TLE4: variants seen among roughly 807,000 people sequenced by gnomAD.
TLE4 encodes the protein TLE family member 4, transcriptional corepressor, also known as transducin-like enhancer protein 4.
TLE4 carries 8 observed loss-of-function variants against 92.8 expected under a neutral mutation model. The observed-to-expected ratio is 0.09, with a 90% CI of 0.05 to 0.16. TLE4 has a LOEUF of 0.16. Ranked by LOEUF, TLE4 falls within the 10% of genes least tolerant of loss-of-function variation. The pLI, the probability that TLE4 is intolerant of heterozygous loss-of-function variation, is 1.00. For synonymous variants in TLE4, 371 were observed against 374.1 expected, an observed-to-expected ratio of 0.99 and a Z score of 0.10; for missense variants, 675 against 997.6, an observed-to-expected ratio of 0.68 and a Z score of 4.36.
chr9:79,572,687 G>C lies in TLE4; in HGVS notation c.-104G>C. On this transcript the variant is annotated 5_prime_UTR_variant, in exon 1 of 20. Transcript: ENST00000376552. ...CCGGGACCGCCCGAGCCGCCCCTCAGACCGAGCCGGCCGCCTCCGCTGCCG... is the reference window on the plus strand; with the variant it reads ...CCGGGACCGCCCGAGCCGCCCCTCACACCGAGCCGGCCGCCTCCGCTGCCG... 3 of 1,259,678 alleles carry C rather than the reference G, an allele frequency of 2.4e-6. No individual in the cohort carries two copies. The highest frequency in any genetic ancestry group is 3.3e-6 in the Non-Finnish European group (3 of 896,990). The allele number at this position is 1,259,678 out of a possible 1,614,324, so 78.0% of individuals were successfully genotyped here. A position where few individuals can be genotyped will look rare whatever the true frequency, so the allele number is the denominator to read the frequency against.
intron 8 of TLE4, among the ~76,000 whole-genome samples, chr9:79,688,777 C>T (rs1394368700): frequency 1.3e-5 from 2 of 151,946 alleles, no homozygotes; most frequent in African/African-American, 4.8e-5. Context: ...AAATACATTC[C>T]AATTAGCTGA....
intron 8 of TLE4, among the ~76,000 whole-genome samples, chr9:79,700,709 A>C (rs1483112676): frequency 6.6e-6 from 1 of 152,114 alleles, no homozygotes; most frequent in Non-Finnish European, 1.5e-5. Context: ...GTTCTTTTTA[A>C]ATATCCCAGC....
chr9:79,601,180 A>C (rs1424431933), intron 4 of TLE4, among the ~76,000 whole-genome samples: 1 of 152,200 alleles, frequency 6.6e-6, no homozygotes, highest in African/African-American at 2.4e-5. Context: ...ACCCATCAGG[A>C]ATTGTCCAGA....
At chr9:79,590,864 A>T (rs1465479834) in intron 4 of TLE4, among the ~76,000 whole-genome samples, 1 of 152,190 alleles carries the variant, frequency 6.6e-6, no homozygotes, top group Non-Finnish European at 1.5e-5. Context: ...AAATACCTGG[A>T]ACTGGATTTA....
At chr9:79,639,936 A>G (rs2056794473) in intron 6 of TLE4, among the ~76,000 whole-genome samples, 1 of 152,204 alleles carries the variant, frequency 6.6e-6, no homozygotes, top group Non-Finnish European at 1.5e-5. Context: ...GTATATCAAA[A>G]TACTGGGAAC....
In TLE4 at chr9:79,573,837, C is replaced by T. The variant is rs757187283; in HGVS notation, c.143+51C>T. 2 of 1,357,054 alleles carry T rather than the reference C, an allele frequency of 1.5e-6. 1 individual carries two copies. The highest frequency in any genetic ancestry group is 2.9e-5 in the South Asian group (2 of 69,930). The allele number at this position is 1,357,054 out of a possible 1,614,324, so 84.1% of individuals were successfully genotyped here. A position where few individuals can be genotyped will look rare whatever the true frequency, so the allele number is the denominator to read the frequency against. ...CTTCTGTTTGCTTAGCTCTTGTCTC[C>T]CCGACAAATACACACAAACACTTAC... On this transcript the variant is annotated intron_variant, in intron 2 of 19. Transcript: ENST00000376552.
At chr9:79,651,616 C>A (rs1280340845) in intron 6 of TLE4, among the ~76,000 whole-genome samples, 2 of 152,206 alleles carry the variant, frequency 1.3e-5, no homozygotes, top group Non-Finnish European at 2.9e-5. Flanking sequence ...ACTAAACGTG[C>A]ACAGAGTGCC....
At chr9:79,717,724 T>G (rs914894237) in intron 14 of TLE4, among the ~76,000 whole-genome samples, 3 of 152,220 alleles carry the variant, frequency 2.0e-5, no homozygotes, top group Non-Finnish European at 4.4e-5. Flanking sequence ...CACAATGCTT[T>G]CCCTTGGTAT....
chr9:79,671,551 C>T (rs763093050), intron 8 of TLE4: 7 of 258,148 alleles, frequency 2.7e-5, no homozygotes, highest in Non-Finnish European at 4.9e-5. Flanking sequence ...GCTTGTCGAG[C>T]AGGAGAGACT....
chr9:79,673,239 G>A (rs578142766), intron 8 of TLE4, among the ~76,000 whole-genome samples: 3 of 152,296 alleles, frequency 2.0e-5, no homozygotes, highest in Non-Finnish European at 2.9e-5. Flanking sequence ...GTAAGATCCT[G>A]AAATTTTTTT....
chr9:79,720,388 GT>G, intron 16 of TLE4, 95 bp downstream of exon 16: 1 of 999,974 alleles, frequency 1.0e-6, no homozygotes, highest in East Asian at 2.9e-5. Context: ...GTGTGTGTGT[GT>G]GTGTGTGTGT....
At chr9:79,582,461 A>C (rs1038248194) in intron 4 of TLE4, among the ~76,000 whole-genome samples, 2 of 152,218 alleles carry the variant, frequency 1.3e-5, no homozygotes, top group African/African-American at 4.8e-5. Flanking sequence ...TGAAGGAGAC[A>C]ATACAAGCAC....
chr9:79,685,424 C>T (rs2065645243), intron 8 of TLE4, among the ~76,000 whole-genome samples: 1 of 151,986 alleles, frequency 6.6e-6, no homozygotes, highest in South Asian at 2.1e-4. Context: ...GTTTTTAAAA[C>T]AGATCAATTT....
At chr9:79,617,492 C>T (rs1179330767) in intron 5 of TLE4, among the ~76,000 whole-genome samples, 1 of 152,046 alleles carries the variant, frequency 6.6e-6, no homozygotes, top group Non-Finnish European at 1.5e-5. Context: ...AAGTTTATTA[C>T]GTTATAGTTG....
intron 5 of TLE4, among the ~76,000 whole-genome samples, chr9:79,615,066 T>G (rs11138311): frequency 0.062 from 9,415 of 152,300 alleles, 402 homozygotes; most frequent in Non-Finnish European, 0.093. Context: ...GTTTGTTTCC[T>G]TCAAATCAGG....
chr9:79,662,696 G>C (rs963379540), intron 8 of TLE4, among the ~76,000 whole-genome samples: 19 of 152,108 alleles, frequency 1.2e-4, no homozygotes, highest in African/African-American at 4.6e-4. Flanking sequence ...GCAGGTGTTG[G>C]AAATAATATG....
rs185403759 is a variant in TLE4 at position 79,698,451 on chromosome 9, T to C, written c.610-6332T>C. On this transcript the variant is annotated intron_variant, in intron 8 of 19. Transcript: ENST00000376552. ...CAGAAGGTGAAACATTTGTTAAGAA[T>C]AGATTCATTACTTTATATGGAGATT... 2.0e-3 allele frequency among the ~76,000 whole-genome samples: 307 copies of C among 152,348 alleles called. 5 individuals are homozygous for C. Among genetic ancestry groups the C allele is most frequent in the East Asian group, 1.3e-3 (7 of 5,190 alleles).
At chr9:79,669,756 A>T (rs148321096) in intron 8 of TLE4, among the ~76,000 whole-genome samples, 122 of 152,320 alleles carry the variant, frequency 8.0e-4, no homozygotes, top group African/African-American at 2.8e-3. Flanking sequence ...CTAGGAAAGA[A>T]TAGGAATTTA....
intron 6 of TLE4, among the ~76,000 whole-genome samples, chr9:79,640,371 C>A (rs1401139855): frequency 6.6e-6 from 1 of 152,014 alleles, no homozygotes; most frequent in Non-Finnish European, 1.5e-5. Context: ...TGGATAGGCC[C>A]ACCATGATAT....
Sources: gnomAD v4.1 joint callset for allele counts (sites outside exome capture counted in the v4.1 genomes callset) on GRCh38, gnomAD v4.1.1 for gene constraint, MANE v1.5 for transcripts, NCBI Gene and HGNC (gene_info 2026-07-23, HGNC 2026-07-21) for gene names.